Variants in ROPN1L observed in about 807,000 individuals in gnomAD.
ROPN1L encodes the protein ropporin-1-like protein.
In ROPN1L, 23 loss-of-function variants were observed where a neutral mutation model predicts 22.7. The ratio of observed to expected loss-of-function variants is 1.01; its 90% CI spans 0.73 to 1.43. ROPN1L has a LOEUF of 1.43. ROPN1L is among the 40% of genes most tolerant of loss of function. The pLI, the probability that ROPN1L is intolerant of heterozygous loss-of-function variation, is 0.00. For missense variants in ROPN1L, 271 were observed against 291.5 expected, an observed-to-expected ratio of 0.93 and a Z score of 0.51; for synonymous variants, 116 against 117.8, an observed-to-expected ratio of 0.98 and a Z score of 0.10.
chr5:10,465,169 AAAT>A (rs200648676), downstream of ROPN1L: 19,284 of 338,278 alleles, frequency 0.057, 715 homozygotes, highest in Middle Eastern at 0.084. Flanking sequence ...TCTTTTAAGA[AAAT>A]AATCTATTTG....
chr5:10,466,819 G>A (rs1433793459), downstream of ROPN1L, among the ~76,000 whole-genome samples: 2 of 152,128 alleles, frequency 1.3e-5, no homozygotes, highest in Admixed American at 6.5e-5. Context: ...TGCTTACGTA[G>A]CAGAAACACT....
At chr5:10,473,128 C>T (rs2673898), downstream of ROPN1L, among the ~76,000 whole-genome samples, 23,326 of 152,240 alleles carry the variant, frequency 0.15, 2,977 homozygotes, top group East Asian at 0.67. Flanking sequence ...TTGATTTGAC[C>T]TGACTTTGAA....
downstream of ROPN1L, among the ~76,000 whole-genome samples, chr5:10,469,962 A>G (rs994995026): frequency 6.6e-6 from 1 of 152,212 alleles, no homozygotes; most frequent in Admixed American, 6.5e-5. Flanking sequence ...AATCACTAAC[A>G]TACTTGTGAA....
At chr5:10,466,442 A>C (rs944251777), downstream of ROPN1L, among the ~76,000 whole-genome samples, 1 of 152,212 alleles carries the variant, frequency 6.6e-6, no homozygotes, top group African/African-American at 2.4e-5. Context: ...CGTGCAACAC[A>C]GCATCACTGG....
intron 4 of ROPN1L, among the ~76,000 whole-genome samples, chr5:10,462,566 C>T (rs112813906): frequency 0.011 from 1,718 of 152,304 alleles, 21 homozygotes; most frequent in Non-Finnish European, 0.018. Flanking sequence ...CTATGTACAG[C>T]ATGTCAGGTG....
chr5:10,474,257 C>T (rs1012169295), downstream of ROPN1L, among the ~76,000 whole-genome samples: 3 of 152,106 alleles, frequency 2.0e-5, no homozygotes, highest in African/African-American at 7.2e-5. Context: ...AGATTCCGTC[C>T]ACTGGCAGAC....
At position 10,461,340 on chromosome 5, in the gene ROPN1L, G is replaced by A; in HGVS notation, c.574G>A (p.Ala192Thr). 1 of 1,613,896 alleles carries A rather than the reference G, an allele frequency of 6.2e-7. No individual in the cohort carries two copies. The highest frequency in any genetic ancestry group is 2.2e-5 in the East Asian group (1 of 44,880). Residue 192 changes from alanine to threonine, a missense_variant, in exon 4 of 5, where the codon GCC becomes ACC. By Grantham distance (58) the Ala-to-Thr change is moderately conservative (BLOSUM62 0). Coordinates refer to ENST00000274134, the MANE Select transcript of ROPN1L (RefSeq NM_031916.5). ...VSPLETESYL[A>T]SLKENIDARK... ...TCCCTTGGAGACGGAATCCTACCTT[G>A]CCTCTCTAAAGGAAAATATGTAAGT...
At chr5:10,473,645 A>G (rs1735280755), downstream of ROPN1L, among the ~76,000 whole-genome samples, 1 of 152,218 alleles carries the variant, frequency 6.6e-6, no homozygotes, top group African/African-American at 2.4e-5. Context: ...CTTTTCTTGC[A>G]AACCAAGTCC....
At chr5:10,453,706 A>G (rs1043608110) in intron 3 of ROPN1L, among the ~76,000 whole-genome samples, 1 of 152,176 alleles carries the variant, frequency 6.6e-6, no homozygotes, top group Non-Finnish European at 1.5e-5. Context: ...TGCTGTTTAC[A>G]TTTATTTATC....
At chr5:10,442,418 C>G in intron 1 of ROPN1L, 120 bp downstream of exon 1, 1 of 1,258,608 alleles carries the variant, frequency 7.9e-7, no homozygotes, top group Admixed American at 2.4e-5. Context: ...GAGTATCAGG[C>G]AAAACTTTCC....
chr5:10,452,783 GT>G (rs1269187924), intron 3 of ROPN1L, among the ~76,000 whole-genome samples: 1 of 152,102 alleles, frequency 6.6e-6, no homozygotes, highest in African/African-American at 2.4e-5. Context: ...CATCTTTATA[GT>G]TTTCACCTTC....
the ROPN1L span, chr5:10,482,237 A>T: frequency 6.6e-6 from 1 of 152,158 alleles, no homozygotes; most frequent in East Asian, 1.9e-4. Flanking sequence ...AAAAAAAAAA[A>T]AAAAGGTTAA....
chr5:10,453,020 C>T (rs1046846717), intron 3 of ROPN1L, among the ~76,000 whole-genome samples: 21 of 152,202 alleles, frequency 1.4e-4, no homozygotes, highest in African/African-American at 5.1e-4. Flanking sequence ...TCATGCTGTG[C>T]ATCACTGCGG....
At position 10,442,126 on chromosome 5, in the gene ROPN1L, G is replaced by A; in HGVS notation, c.-42G>A. 1 of 1,585,050 alleles carries A rather than the reference G, an allele frequency of 6.3e-7. No homozygotes were observed. On this transcript the variant is annotated 5_prime_UTR_variant, in exon 1 of 5. Transcript: ENST00000274134. ...CCGACAGCCGCCCTTCTTCCTCGCA[G>A]CGCGCCGCGATTCACCAGCCTGGTC... is the stretch of plus-strand genomic sequence containing the variant.
At chr5:10,475,864 T>C (rs1486262295), downstream of ROPN1L, among the ~76,000 whole-genome samples, 1 of 152,232 alleles carries the variant, frequency 6.6e-6, no homozygotes, top group East Asian at 1.9e-4. Context: ...AAGTTTATTT[T>C]CTCTCAAATA....
At chr5:10,445,249 G>C (rs1741018946) in intron 1 of ROPN1L, among the ~76,000 whole-genome samples, 1 of 152,170 alleles carries the variant, frequency 6.6e-6, no homozygotes, top group Non-Finnish European at 1.5e-5. Context: ...GGGATTATAG[G>C]CTTGAGCCAC....
At chr5:10,453,961 A>C (rs10866474) in intron 3 of ROPN1L, among the ~76,000 whole-genome samples, 107,534 of 152,010 alleles carry the variant, frequency 0.71, 41,591 homozygotes, top group Non-Finnish European at 0.88. Context: ...TACTTATTAC[A>C]TCAAAAGCTA....
rs556707498 is a variant in ROPN1L, at chr5:10,453,625, A to G, written c.417+3512A>G. Among the ~76,000 whole-genome samples the G allele has an allele frequency of 1.1e-3, 160 of 152,304 alleles. 1 individual carries two copies. The highest frequency in any genetic ancestry group is 3.8e-3 in the African/African-American group (158 of 41,572). On this transcript the variant is annotated intron_variant, in intron 3 of 4. Coordinates refer to ENST00000274134, the MANE Select transcript of ROPN1L (RefSeq NM_031916.5). ...TTGGTGGCTAGCCGCTGCCTGCGTG[A>G]GCGGGATAGATGTCGTTCCTGCTCC...
chr5:10,461,405 G>T, intron 4 of ROPN1L, 46 bp downstream of exon 4: 2 of 1,540,514 alleles, frequency 1.3e-6, no homozygotes, highest in Non-Finnish European at 1.8e-6. Flanking sequence ...GACCATGGGA[G>T]AATTTCCTGT....
Sources: allele counts gnomAD v4.1 joint callset (sites outside exome capture counted in the v4.1 genomes callset), GRCh38; gene constraint gnomAD v4.1.1; transcripts MANE v1.5; gene names NCBI Gene and HGNC (gene_info 2026-07-23, HGNC 2026-07-21).